The following TASP1 variants were observed in gnomAD, a reference collection of about 807,000 sequenced individuals.
TASP1 encodes the protein threonine aspartase 1.
In TASP1, 16 loss-of-function variants were observed where a neutral mutation model predicts 56.6. The ratio of observed to expected loss-of-function variants is 0.28; its 90% CI spans 0.19 to 0.43. TASP1 has a LOEUF of 0.43. Ranked by LOEUF, TASP1 falls within the 20% of genes least tolerant of loss-of-function variation. The pLI is 1.00. For synonymous variants in TASP1, 179 were observed against 184.2 expected (o/e 0.97, Z 0.23); for missense variants, 393 against 511.6 (o/e 0.77, Z 2.24).
At chr20:13,339,671 T>C in the TASP1 span, among the ~76,000 whole-genome samples, 1 of 152,146 alleles carries the variant, frequency 6.6e-6, no homozygotes, top group African/African-American at 2.4e-5. Context: ...TAGGATATGA[T>C]ACAGAATAAC....
chr20:13,143,188 G>T, the TASP1 span, among the ~76,000 whole-genome samples: 28,553 of 152,132 alleles, frequency 0.19, 3,497 homozygotes, highest in South Asian at 0.43. Flanking sequence ...GAAGGAGACC[G>T]GGATGGCCAG....
the TASP1 span, among the ~76,000 whole-genome samples, chr20:13,306,748 A>G: frequency 6.6e-6 from 1 of 152,098 alleles, no homozygotes; most frequent in African/African-American, 2.4e-5. Context: ...AACCTTCAAA[A>G]ATCCTCCCTT....
At chr20:13,477,808 T>C (rs1173704951) in intron 11 of TASP1, among the ~76,000 whole-genome samples, 1 of 152,204 alleles carries the variant, frequency 6.6e-6, no homozygotes, top group African/African-American at 2.4e-5. Context: ...TTATGAGTTT[T>C]GTATGTTACA....
At chr20:13,307,195 A>T in the TASP1 span, among the ~76,000 whole-genome samples, 123,273 of 151,866 alleles carry the variant, frequency 0.81, 50,065 homozygotes, top group East Asian at 0.87. Context: ...TCCCCACAGC[A>T]TTCCTCCCAT....
chr20:13,567,534 TA>T (rs1366266982), intron 7 of TASP1, among the ~76,000 whole-genome samples: 8 of 152,004 alleles, frequency 5.3e-5, no homozygotes, highest in African/African-American at 1.9e-4. Flanking sequence ...TGTCCAGACT[TA>T]ATGTGCAAAA....
chr20:13,493,343 G>C (rs1244737855), intron 10 of TASP1, among the ~76,000 whole-genome samples: 1 of 152,164 alleles, frequency 6.6e-6, no homozygotes, highest in Non-Finnish European at 1.5e-5. Flanking sequence ...ATTAGGAGAG[G>C]AAGACCCACC....
chr20:13,212,954 T>C, the TASP1 span, among the ~76,000 whole-genome samples: 1 of 152,214 alleles, frequency 6.6e-6, no homozygotes, highest in Non-Finnish European at 1.5e-5. Flanking sequence ...CAAGCATTGA[T>C]GATGAGATCT....
At chr20:13,382,637 C>A in the TASP1 span, among the ~76,000 whole-genome samples, 1 of 152,232 alleles carries the variant, frequency 6.6e-6, no homozygotes, top group East Asian at 1.9e-4. Flanking sequence ...CAGAGGGAGA[C>A]CTTGTCTCAA....
the TASP1 span, among the ~76,000 whole-genome samples, chr20:13,259,035 C>A: frequency 2.6e-5 from 4 of 152,262 alleles, no homozygotes; most frequent in Admixed American, 2.6e-4. Context: ...GTAATCCCAA[C>A]ACTTTGGGAG....
At chr20:13,117,699 T>A in the TASP1 span, 5 of 1,612,900 alleles carry the variant, frequency 3.1e-6, no homozygotes, top group Admixed American at 8.3e-5. Flanking sequence ...TTTTGGAGCT[T>A]CAGGAGGTTA....
chr20:13,417,873 C>T (rs1250816537), intron 12 of TASP1, among the ~76,000 whole-genome samples: 8 of 152,086 alleles, frequency 5.3e-5, no homozygotes, highest in Non-Finnish European at 5.9e-5. Flanking sequence ...TTTTAAAACA[C>T]GTGCATGCAC....
At chr20:13,148,794 G>T in the TASP1 span, among the ~76,000 whole-genome samples, 1 of 152,210 alleles carries the variant, frequency 6.6e-6, no homozygotes, top group Non-Finnish European at 1.5e-5. Flanking sequence ...GGTGCAGCCT[G>T]GACATAAGGT....
At chr20:13,173,310 C>T in the TASP1 span, among the ~76,000 whole-genome samples, 2 of 152,204 alleles carry the variant, frequency 1.3e-5, no homozygotes, top group Non-Finnish European at 2.9e-5. Flanking sequence ...CATTTACTCA[C>T]ATCAGACAGA....
the TASP1 span, among the ~76,000 whole-genome samples, chr20:13,193,121 G>C: frequency 6.6e-6 from 1 of 151,944 alleles, no homozygotes; most frequent in Non-Finnish European, 1.5e-5. Context: ...TGCTAAGTGG[G>C]GAGATAAAAT....
intron 10 of TASP1, among the ~76,000 whole-genome samples, chr20:13,521,729 T>C (rs1403965068): frequency 6.6e-6 from 1 of 152,046 alleles, no homozygotes; most frequent in African/African-American, 2.4e-5. Flanking sequence ...CATGTATACA[T>C]ATGTAACTAA....
At chr20:13,186,910 T>C in the TASP1 span, among the ~76,000 whole-genome samples, 1 of 152,196 alleles carries the variant, frequency 6.6e-6, no homozygotes, top group Non-Finnish European at 1.5e-5. Flanking sequence ...GACTTAGATG[T>C]GATACAGATG....
At chr20:13,425,473 C>A (rs1209431358) in intron 12 of TASP1, among the ~76,000 whole-genome samples, 1 of 152,134 alleles carries the variant, frequency 6.6e-6, no homozygotes, top group Admixed American at 6.5e-5. Context: ...TATTGTCCTC[C>A]AATTGTTGTT....
At chr20:13,558,712 T>C (rs977629855) in intron 8 of TASP1, among the ~76,000 whole-genome samples, 3 of 152,110 alleles carry the variant, frequency 2.0e-5, no homozygotes, top group African/African-American at 7.2e-5. Flanking sequence ...AAAACGATAA[T>C]GTAAAATAGC....
intron 11 of TASP1, among the ~76,000 whole-genome samples, chr20:13,482,399 C>T (rs188083924): frequency 2.0e-5 from 3 of 152,114 alleles, no homozygotes; most frequent in Admixed American, 1.3e-4. Context: ...GGGTCTTTTG[C>T]GAGTCCACAT....
Sources: gnomAD v4.1 joint callset for allele counts (sites outside exome capture counted in the v4.1 genomes callset) on GRCh38, gnomAD v4.1.1 for gene constraint, MANE v1.5 for transcripts, NCBI Gene and HGNC (gene_info 2026-07-23, HGNC 2026-07-21) for gene names.